EPS8L1: variants seen among roughly 807,000 people sequenced by gnomAD.
EPS8L1 encodes the protein epidermal growth factor receptor kinase substrate 8-like protein 1.
EPS8L1 carries 101 observed loss-of-function variants against 91.7 expected under a neutral mutation model. The observed-to-expected ratio is 1.10, with a 90% CI of 0.94 to 1.30. EPS8L1 has a LOEUF of 1.30. Ranked by LOEUF, EPS8L1 falls within the 50% of genes most tolerant of loss-of-function variation. The probability of loss-of-function intolerance (pLI) is 0.00; values close to 1 mark genes in which losing one functional copy is unlikely to be tolerated. For synonymous variants in EPS8L1, 506 were observed against 445.3 expected (o/e 1.14, Z -1.72); for missense variants, 1,114 against 1,017.0 (o/e 1.10, Z -1.30).
chr19:55,087,316 C>A lies in EPS8L1; in HGVS notation c.1966C>A (p.Leu656Met), dbSNP rs1379383331. 1 of 1,608,586 alleles carries A rather than the reference C, an allele frequency of 6.2e-7. No individual in the cohort carries two copies. Among genetic ancestry groups the A allele is most frequent in the South Asian group, 1.1e-5 (1 of 90,356 alleles). Residue 656 changes from leucine to methionine, a missense_variant, in exon 19 of 20, where the codon CTG becomes ATG. Coordinates refer to ENST00000201647, the MANE Select transcript of EPS8L1 (RefSeq NM_133180.3). ...GCCCTCGCTCAGGACCGTGGACGCG[C>A]TGGGTGTGCTGACCGGGGCGCAGCT... is the stretch of plus-strand genomic sequence containing the variant. ...KGFSSGTVDA[L>M]GVLTGAQLFS...
At position 55,078,885 on chromosome 19, in the gene EPS8L1, G is replaced by A. The variant is rs1218234879; in HGVS notation, c.59-114G>A. The A allele has an allele frequency of 2.4e-5, 22 of 930,646 alleles. 1 individual carries two copies. In the Admixed American group the frequency reaches 4.3e-4, roughly 18 times the overall value. 57.6% of individuals were successfully genotyped at this position (930,646 alleles called of 1,614,324 possible). On this transcript the variant is annotated intron_variant, in intron 3 of 19. Transcript: ENST00000201647. ...CCTGGGTCAGAGGGAAGAGGGGCTG[G>A]GGGGCTGGACTCCTAGGTTTGAGGG...
intron 4 of EPS8L1, 136 bp downstream of exon 4, chr19:55,079,193 C>A (rs1423973588): frequency 1.2e-6 from 1 of 849,694 alleles, no homozygotes; most frequent in Non-Finnish European, 2.0e-6. Flanking sequence ...TAAAATGGAC[C>A]TCCGTTGCCT....
intron 17 of EPS8L1, 55 bp downstream of exon 17, chr19:55,086,573 C>T: frequency 6.5e-7 from 1 of 1,539,556 alleles, no homozygotes; most frequent in Non-Finnish European, 8.8e-7. Context: ...GCTTTCCAGG[C>T]AGAGAAACGG....
chr19:55,085,578 C>T (rs1339539036), intron 14 of EPS8L1: 1 of 352,222 alleles, frequency 2.8e-6, no homozygotes, highest in Non-Finnish European at 5.1e-6. Flanking sequence ...GTCATTTTCT[C>T]GCTCTGAGCC....
Position 55,087,642 on chromosome 19 carries a change from A to G in EPS8L1, c.*28A>G. On this transcript the variant is annotated 3_prime_UTR_variant, in exon 20 of 20. Coordinates refer to ENST00000201647, the MANE Select transcript of EPS8L1 (RefSeq NM_133180.3). ...TGCCAGGCGCCCTTCGCAAAGAGTG[A>G]CGAGGCCCCGTGGGAGAACGGACTC... is the stretch of plus-strand genomic sequence containing the variant. 1 of 1,611,994 alleles carries G rather than the reference A, an allele frequency of 6.2e-7. No homozygotes were observed. The highest frequency in any genetic ancestry group is 8.5e-7 in the Non-Finnish European group (1 of 1,178,496).
chr19:55,086,600 A>G, intron 17 of EPS8L1, 82 bp downstream of exon 17: 9 of 1,533,166 alleles, frequency 5.9e-6, no homozygotes, highest in Non-Finnish European at 7.9e-6. Context: ...AGAAAGAGCA[A>G]AGGGACTCCC....
Position 55,082,440 on chromosome 19 carries a change from T to TGCTCCCCTG in EPS8L1, c.1066-13_1066-5dup. 6.2e-7 allele frequency: 1 copy of TGCTCCCCTG among 1,611,442 alleles called. No homozygotes were observed. Among genetic ancestry groups the TGCTCCCCTG allele is most frequent in the Admixed American group, 1.7e-5 (1 of 59,946 alleles). On this transcript the variant is annotated splice_polypyrimidine_tract_variant and intron_variant, in intron 11 of 19. Transcript: ENST00000201647. The stretch of plus-strand genomic sequence containing the variant: ...GTGTGGCGGCACAGCCTGCCCCTCC[T>TGCTCCCCTG]GCTCCCCTGACAGATTGTGAACACG...
rs2076257363 is a variant in EPS8L1, at chr19:55,081,419, A to G, written c.701A>G (p.Asn234Ser). ...QRPEPVGTSS[N>S]ADSASPDLGP... ...CCTGAGCCGGTGGGGACCTCGAGCA[A>G]CGCTGACTCGGCCTCCCCGGACCTG... is the stretch of plus-strand genomic sequence containing the variant. Residue 234 changes from asparagine to serine, a missense_variant, in exon 8 of 20, where the codon AAC becomes AGC. By Grantham distance (46) the Asn-to-Ser change is conservative (BLOSUM62 1). Transcript: ENST00000201647. The surrounding 1 kb of genome is among the most constrained non-coding windows in gnomAD (Gnocchi z 4.9). 1.3e-6 allele frequency: 2 copies of G among 1,599,288 alleles called. No homozygotes were observed. Among genetic ancestry groups the G allele is most frequent in the African/African-American group, 2.7e-5 (2 of 74,602 alleles).
At position 55,082,609 on chromosome 19, in the gene EPS8L1, G is replaced by A. The variant is rs1470882867; in HGVS notation, c.1214+7G>A. On this transcript the variant is annotated splice_region_variant and intron_variant, in intron 12 of 19. Transcript: ENST00000201647. ...ACTCGTGGACCCGCCCCGGGTGAGG[G>A]GCGGGGCTGGGAGGCAGGGGGCATG... 16 of 1,554,942 alleles carry A rather than the reference G, an allele frequency of 1.0e-5. No individual in the cohort carries two copies. Among genetic ancestry groups the A allele is most frequent in the Non-Finnish European group, 1.4e-5 (16 of 1,150,224 alleles).
intron 12 of EPS8L1, 102 bp downstream of exon 12, chr19:55,082,704 G>A: frequency 8.4e-7 from 1 of 1,188,400 alleles, no homozygotes; most frequent in Non-Finnish European, 1.2e-6. Context: ...TAGGAGAGTA[G>A]GGAGGGGTTA....
In EPS8L1 at chr19:55,080,265, G is replaced by T. The variant is rs371608469; in HGVS notation, c.416G>T (p.Gly139Val). 863 of 1,534,542 alleles carry T rather than the reference G, an allele frequency of 5.6e-4. No homozygotes were observed. Among genetic ancestry groups the T allele is most frequent in the Non-Finnish European group, 7.2e-4 (813 of 1,136,190 alleles). ...CAGCCCGACGTGCACTTCTTCCAGGGCCTGCGCCTCGGGGTGAGCAGATGG... is the reference window on the plus strand; with the variant it reads ...CAGCCCGACGTGCACTTCTTCCAGGTCCTGCGCCTCGGGGTGAGCAGATGG... ...RAQPDVHFFQ[G>V]LRLGAELIRE... The change falls in exon 6 of 20, where the codon GGC becomes GTC. Residue 139 changes from glycine (G) to valine (V), a missense_variant. Physicochemically the swap from Gly to Val is moderately radical, Grantham distance 109. Coordinates refer to ENST00000201647, the MANE Select transcript of EPS8L1 (RefSeq NM_133180.3).
Position 55,086,370 on chromosome 19 carries a change from ACTCTC to A in EPS8L1, c.1651-14_1651-10del. 1 of 1,591,502 alleles carries A rather than the reference ACTCTC, an allele frequency of 6.3e-7. No individual in the cohort carries two copies. Among genetic ancestry groups the A allele is most frequent in the Non-Finnish European group, 8.6e-7 (1 of 1,168,254 alleles). ...TCTGAGTCCTCTCCCTAACCCAGGT[ACTCTC>A]CTCTCCTTCCTTTCAGAACAGCACT... On this transcript the variant is annotated splice_polypyrimidine_tract_variant and intron_variant, in intron 16 of 19. Coordinates refer to ENST00000201647, the MANE Select transcript of EPS8L1 (RefSeq NM_133180.3).
chr19:55,080,018 TA>T, intron 5 of EPS8L1, 110 bp from the exon 6 acceptor site: 2 of 1,440,014 alleles, frequency 1.4e-6, no homozygotes, highest in East Asian at 2.5e-5. Context: ...CTGTTATCCC[TA>T]ACCCCCTAAC....
rs1388774675 is a variant in EPS8L1 at position 55,076,388 on chromosome 19, A to G, written c.-37-20A>G. ...AGAGGCTCCTACTGGCCAGGCCTTC[A>G]CATGTTTGCTGGCTCCCAGGGCACC... On this transcript the variant is annotated intron_variant, in intron 1 of 19. Coordinates refer to ENST00000201647, the MANE Select transcript of EPS8L1 (RefSeq NM_133180.3). The G allele has an allele frequency of 1.9e-6, 3 of 1,606,214 alleles. No homozygotes were observed. The African/African-American group carries it at 4.0e-5, about 21-fold the overall frequency.
chr19:55,087,745 C>A lies in EPS8L1; in HGVS notation c.*131C>A. 3 of 929,020 alleles carry A rather than the reference C, an allele frequency of 3.2e-6. No individual in the cohort carries two copies. The highest frequency in any genetic ancestry group is 1.5e-5 in the South Asian group (1 of 66,274). The allele number at this position is 929,020 out of a possible 1,614,324, so 57.5% of individuals were successfully genotyped here. On this transcript the variant is annotated 3_prime_UTR_variant, in exon 20 of 20. Coordinates refer to ENST00000201647, the MANE Select transcript of EPS8L1 (RefSeq NM_133180.3). ...CTCCGGCCCTGGTCTTCCCCCATCC[C>A]GGTGGACAGACTTAACGATCCTTGC...
intron 2 of EPS8L1, 144 bp from the exon 3 acceptor site, chr19:55,077,944 T>C (rs2076164259): frequency 6.5e-6 from 2 of 306,080 alleles, no homozygotes; most frequent in Non-Finnish European, 1.1e-5. Flanking sequence ...ATAATAATAA[T>C]AATAATAATA....
chr19:55,081,196 G>A lies in EPS8L1; in HGVS notation c.513-35G>A. On this transcript the variant is annotated intron_variant, in intron 7 of 19. Transcript: ENST00000201647. The surrounding 1 kb of genome is among the most constrained non-coding windows in gnomAD (Gnocchi z 4.9). ...TTTCCCCCTCCCTGGACCCCTCAGT[G>A]GACCCAGTCTTGGTGTCCCCGTCGC... 1 of 1,485,416 alleles carries A rather than the reference G, an allele frequency of 6.7e-7. No individual in the cohort carries two copies. 92.0% of individuals were successfully genotyped at this position (1,485,416 alleles called of 1,614,324 possible). A position where few individuals can be genotyped will look rare whatever the true frequency, so the allele number is the denominator to read the frequency against.
In EPS8L1 at chr19:55,086,399, C is replaced by T; in HGVS notation, c.1658C>T (p.Thr553Ile). The change falls in exon 17 of 20, where the codon ACT becomes ATT. Residue 553 changes from threonine to isoleucine, a missense_variant. Physicochemically the swap from Thr to Ile is moderately conservative, Grantham distance 89. Coordinates refer to ENST00000201647, the MANE Select transcript of EPS8L1 (RefSeq NM_133180.3). The stretch of plus-strand genomic sequence containing the variant: ...TCCTCTCCTTCCTTTCAGAACAGCA[C>T]TCCTCCTCCACCACCAGCCCCAGCC... ...SQSPARSLNS[T>I]PPPPPAPAPA... The T allele has an allele frequency of 1.9e-6, 3 of 1,575,706 alleles. No individual in the cohort carries two copies. Among genetic ancestry groups the T allele is most frequent in the Non-Finnish European group, 2.6e-6 (3 of 1,159,444 alleles).
chr19:55,084,840 T>G (rs145752576), intron 14 of EPS8L1, among the ~76,000 whole-genome samples: 182 of 152,302 alleles, frequency 1.2e-3, no homozygotes, highest in African/African-American at 4.3e-3. Flanking sequence ...GTCTGTGGTG[T>G]TGTAGGAACT....
Sources: gnomAD v4.1 joint callset for allele counts (sites outside exome capture counted in the v4.1 genomes callset) on GRCh38, gnomAD v4.1.1 for gene constraint, Gnocchi (gnomAD v3.1) non-coding constraint, MANE v1.5 for transcripts, NCBI Gene and HGNC (gene_info 2026-07-23, HGNC 2026-07-21) for gene names.